SEMA6D: variants seen among roughly 807,000 people sequenced by gnomAD.
SEMA6D encodes semaphorin-6D.
SEMA6D carries 35 observed loss-of-function variants against 106.6 expected under a neutral mutation model. The ratio of observed to expected loss-of-function variants is 0.33; its 90% confidence interval spans 0.25 to 0.44. The LOEUF (loss-of-function observed/expected upper bound fraction) is 0.44, where lower values mean the gene tolerates loss of function less well. SEMA6D is among the 20% of genes least tolerant of loss of function. SEMA6D has a pLI of 1.00. For missense variants in SEMA6D, 1,185 were observed against 1,345.9 expected (o/e 0.88, Z 1.87); for synonymous variants, 499 against 487.7 (o/e 1.02, Z -0.31).
intron 4 of SEMA6D, among the ~76,000 whole-genome samples, chr15:47,640,057 TTAA>T (rs1225982082): frequency 1.6e-4 from 25 of 152,184 alleles, no homozygotes; most frequent in Admixed American, 1.1e-3. Flanking sequence ...ATGTAGGATG[TTAA>T]TAATAGGAGA....
intron 4 of SEMA6D, among the ~76,000 whole-genome samples, chr15:47,625,092 AT>A (rs35264048): frequency 0.28 from 42,673 of 151,608 alleles, 7,113 homozygotes; most frequent in East Asian, 0.45. Flanking sequence ...AAGAAAGCTG[AT>A]TTTTTTTTAT....
At chr15:47,314,739 C>G (rs1222277113) in intron 1 of SEMA6D, among the ~76,000 whole-genome samples, 1 of 151,098 alleles carries the variant, frequency 6.6e-6, no homozygotes, top group Non-Finnish European at 1.5e-5. Context: ...TTTCATAGAG[C>G]AGACATTTTT....
intron 1 of SEMA6D, among the ~76,000 whole-genome samples, chr15:47,238,204 C>T (rs529981205): frequency 2.1e-4 from 32 of 152,130 alleles, no homozygotes; most frequent in African/African-American, 7.7e-4. Flanking sequence ...GTTTATTTTG[C>T]TTTCAGGGAC....
chr15:47,522,237 T>C (rs2044608801), intron 3 of SEMA6D, among the ~76,000 whole-genome samples: 1 of 152,210 alleles, frequency 6.6e-6, no homozygotes, highest in South Asian at 2.1e-4. Flanking sequence ...ATGCAAAGCA[T>C]TTGTAATCAC....
chr15:47,260,557 G>A (rs913589967), intron 1 of SEMA6D, among the ~76,000 whole-genome samples: 9 of 152,182 alleles, frequency 5.9e-5, no homozygotes, highest in Non-Finnish European at 8.8e-5. Context: ...AAGAAGTCTC[G>A]AAGAGATTTC....
intron 1 of SEMA6D, among the ~76,000 whole-genome samples, chr15:47,300,571 T>G (rs1303614769): frequency 6.6e-6 from 1 of 152,212 alleles, no homozygotes; most frequent in Non-Finnish European, 1.5e-5. Context: ...GGTGCTTTTT[T>G]TAACAGAACA....
At chr15:47,632,974 T>C (rs939486573) in intron 4 of SEMA6D, among the ~76,000 whole-genome samples, 1 of 152,062 alleles carries the variant, frequency 6.6e-6, no homozygotes, top group Non-Finnish European at 1.5e-5. Flanking sequence ...TAACTTATCA[T>C]AGTCTACTGG....
At chr15:47,606,209 C>T (rs921331544) in intron 4 of SEMA6D, 4 of 152,196 alleles carry the variant, frequency 2.6e-5, no homozygotes, top group African/African-American at 7.2e-5. Flanking sequence ...GAATCTATAA[C>T]CCTAAATGGC....
intron 1 of SEMA6D, among the ~76,000 whole-genome samples, chr15:47,194,944 C>A (rs1172891069): frequency 6.6e-6 from 1 of 152,146 alleles, no homozygotes; most frequent in Non-Finnish European, 1.5e-5. Flanking sequence ...TTAACTAGTG[C>A]ATTCTATAGG....
chr15:47,561,188 C>A (rs1200183827), intron 3 of SEMA6D, among the ~76,000 whole-genome samples: 1 of 151,866 alleles, frequency 6.6e-6, no homozygotes, highest in Non-Finnish European at 1.5e-5. Context: ...CATATCTGGA[C>A]ACATTACAGG....
At chr15:47,322,979 C>T (rs150758431) in intron 1 of SEMA6D, among the ~76,000 whole-genome samples, 4 of 152,266 alleles carry the variant, frequency 2.6e-5, no homozygotes, top group African/African-American at 9.6e-5. Flanking sequence ...AGTCTTTGTC[C>T]ATCTATGTAT....
At chr15:47,424,096 C>A (rs536159917) in intron 2 of SEMA6D, among the ~76,000 whole-genome samples, 8 of 152,102 alleles carry the variant, frequency 5.3e-5, no homozygotes, top group African/African-American at 1.9e-4. Flanking sequence ...TGAAAAATAT[C>A]TGAAGCAGCA....
intron 1 of SEMA6D, among the ~76,000 whole-genome samples, chr15:47,364,088 C>A (rs989339466): frequency 3.9e-5 from 6 of 152,270 alleles, no homozygotes; most frequent in African/African-American, 1.4e-4. Flanking sequence ...CACAGCCAAA[C>A]CGTATCAGAA....
chr15:47,733,069 C>T (rs565938686), intron 1 of SEMA6D, among the ~76,000 whole-genome samples: 1 of 152,334 alleles, frequency 6.6e-6, no homozygotes, highest in African/African-American at 2.4e-5. Flanking sequence ...TTCACATTTT[C>T]TCATGGTTCC....
At chr15:47,413,300 C>T (rs2040859445) in intron 2 of SEMA6D, among the ~76,000 whole-genome samples, 1 of 152,038 alleles carries the variant, frequency 6.6e-6, no homozygotes, top group Non-Finnish European at 1.5e-5. Context: ...TAGGGTTAAA[C>T]AGTCAAACAA....
intron 4 of SEMA6D, among the ~76,000 whole-genome samples, chr15:47,609,407 A>G (rs2143796319): frequency 6.6e-6 from 1 of 152,314 alleles, no homozygotes; most frequent in South Asian, 2.1e-4. Context: ...GATGTAATGT[A>G]CAAATATGAG....
intron 4 of SEMA6D, chr15:47,605,420 C>T (rs1198461714): frequency 2.0e-5 from 3 of 152,234 alleles, no homozygotes; most frequent in African/African-American, 4.8e-5. Flanking sequence ...CTTTTACTCA[C>T]ACCAACCAAC....
At chr15:47,591,815 A>G (rs1456321120) in intron 3 of SEMA6D, among the ~76,000 whole-genome samples, 1 of 152,144 alleles carries the variant, frequency 6.6e-6, no homozygotes, top group Non-Finnish European at 1.5e-5. Flanking sequence ...ACTGGCATCT[A>G]GTGTCTCTGT....
chr15:47,736,672 G>T (rs1197154433), intron 1 of SEMA6D, among the ~76,000 whole-genome samples: 1 of 152,124 alleles, frequency 6.6e-6, no homozygotes, highest in Non-Finnish European at 1.5e-5. Context: ...CAGGATTTTG[G>T]AATTTAAATA....
Sources: allele counts gnomAD v4.1 joint callset (sites outside exome capture counted in the v4.1 genomes callset), GRCh38; gene constraint gnomAD v4.1.1; transcripts MANE v1.5; gene names NCBI Gene and HGNC (gene_info 2026-07-23, HGNC 2026-07-21).